Variants in CSMD2 observed in about 807,000 individuals in gnomAD.
CSMD2 encodes CUB and Sushi multiple domains 2.
In CSMD2, 130 loss-of-function variants were observed where a neutral mutation model predicts 398.5. That is an observed-to-expected ratio of 0.33 (90% CI 0.28 to 0.38). The LOEUF is 0.38. Ranked by LOEUF, CSMD2 falls within the 10% of genes least tolerant of loss-of-function variation. CSMD2 has a pLI of 1.00. For missense variants in CSMD2, 3,829 were observed against 4,764.9 expected (o/e 0.80, Z 5.78); for synonymous variants, 1,828 against 1,908.5 (o/e 0.96, Z 1.10).
chr1:33,757,142 A>C (rs200965842), intron 13 of CSMD2, among the ~76,000 whole-genome samples: 2,580 of 145,834 alleles, frequency 0.018, 31 homozygotes, highest in South Asian at 0.027. Flanking sequence ...GAACATCACA[A>C]TCTGGGGACT....
intron 10 of CSMD2, among the ~76,000 whole-genome samples, chr1:33,800,368 T>C (rs10493054): frequency 6.6e-6 from 1 of 152,062 alleles, no homozygotes. Flanking sequence ...CTCCAGCAGG[T>C]ACTAAGAAGG....
Position 33,519,629 on chromosome 1 carries a change from G to A in CSMD2, c.10785C>T (p.Thr3595=). Residue 3595 remains threonine (T), a synonymous_variant, in exon 70 of 71, where the codon ACC becomes ACT. Coordinates refer to ENST00000373381, the MANE Select transcript of CSMD2 (RefSeq NM_001281956.2). This position sits in a 1 kb window ranked among gnomAD's most constrained non-coding sequence, Gnocchi z 5.6. ...GGTTCTCAAATGTGGCCCGAACATT[G>A]GTGTTCTCGTGGCCAGCATAGCCAT... The part of the protein sequence containing the change: ...PFNGYAGHEN[T]NVRATFENPM... The A allele has an allele frequency of 6.2e-7, 1 of 1,614,074 alleles. No individual in the cohort carries two copies. Among genetic ancestry groups the A allele is most frequent in the Non-Finnish European group, 8.5e-7 (1 of 1,180,014 alleles).
intron 2 of CSMD2, among the ~76,000 whole-genome samples, chr1:34,081,029 G>T (rs1657035720): frequency 6.6e-6 from 1 of 152,126 alleles, no homozygotes; most frequent in Non-Finnish European, 1.5e-5. Flanking sequence ...CATGGAGAAA[G>T]AAAGGTTGAG....
chr1:33,712,405 A>C (rs911792730), intron 21 of CSMD2, among the ~76,000 whole-genome samples: 5 of 152,188 alleles, frequency 3.3e-5, no homozygotes, highest in African/African-American at 1.2e-4. Context: ...TGGTAGCACT[A>C]TGTGGACTAA....
At chr1:33,557,462 G>T (rs1043279328) in intron 55 of CSMD2, among the ~76,000 whole-genome samples, 4 of 152,182 alleles carry the variant, frequency 2.6e-5, no homozygotes, top group Non-Finnish European at 5.9e-5. Flanking sequence ...GCTGAAGAGG[G>T]TGGTAACTAG....
At chr1:33,564,865 C>T (rs920949432) in intron 53 of CSMD2, among the ~76,000 whole-genome samples, 2 of 152,154 alleles carry the variant, frequency 1.3e-5, no homozygotes, top group South Asian at 4.1e-4. Context: ...GGAAAACTTG[C>T]ACTTTACATA....
chr1:33,801,622 C>G (rs745972914), intron 10 of CSMD2, among the ~76,000 whole-genome samples: 1 of 152,094 alleles, frequency 6.6e-6, no homozygotes, highest in Admixed American at 6.5e-5. Flanking sequence ...AGGATGCTCA[C>G]GAGCTATGGG....
intron 1 of CSMD2, among the ~76,000 whole-genome samples, chr1:34,161,034 G>A (rs1641278559): frequency 6.6e-6 from 1 of 152,150 alleles, no homozygotes; most frequent in Non-Finnish European, 1.5e-5. Flanking sequence ...AGCTCCTCAA[G>A]GAAAGTAGCT....
intron 4 of CSMD2, among the ~76,000 whole-genome samples, chr1:33,924,043 G>A (rs1164897928): frequency 6.6e-6 from 1 of 152,130 alleles, no homozygotes; most frequent in African/African-American, 2.4e-5. Context: ...CCCAGCCTCT[G>A]GTAACTATCA....
chr1:33,739,330 G>T lies in CSMD2; in HGVS notation c.2178C>A (p.Phe726Leu), dbSNP rs2149245962. The change falls in exon 15 of 71, where the codon TTC (phenylalanine) becomes TTA (leucine). Residue 726 changes from phenylalanine (F) to leucine (L), a missense_variant. This residue lies in a region of CSMD2 where 2,001 missense variants were observed against 2,567.1 expected (regional missense o/e 0.78). Transcript: ENST00000373381. ...CAGGATCCGGGCACTCGTTGTGTCGGAAGGCTGTGTAGATGGAGTTCAAGG... is the reference window on the plus strand; with the variant it reads ...CAGGATCCGGGCACTCGTTGTGTCGTAAGGCTGTGTAGATGGAGTTCAAGG... ...KRGFNITFTTFRHNECPDPGV... is the reference protein window; with the variant it reads ...KRGFNITFTTLRHNECPDPGV... 6.2e-7 allele frequency: 1 copy of T among 1,612,520 alleles called. No individual in the cohort carries two copies. Among genetic ancestry groups the T allele is most frequent in the East Asian group, 2.2e-5 (1 of 44,818 alleles).
intron 44 of CSMD2, among the ~76,000 whole-genome samples, chr1:33,590,365 T>G (rs2641956): frequency 0.19 from 26,711 of 143,344 alleles, 3,145 homozygotes; most frequent in East Asian, 0.54. Context: ...CTCAAACTCC[T>G]GGGCTCAAGT....
chr1:33,873,994 T>A (rs1640654840), intron 5 of CSMD2, among the ~76,000 whole-genome samples: 2 of 152,224 alleles, frequency 1.3e-5, no homozygotes, highest in Non-Finnish European at 2.9e-5. Flanking sequence ...TTAGGTCAGG[T>A]ATCCCTTCCT....
chr1:33,586,875 A>G (rs1218142032), intron 45 of CSMD2, among the ~76,000 whole-genome samples: 1 of 152,232 alleles, frequency 6.6e-6, no homozygotes, highest in Non-Finnish European at 1.5e-5. Context: ...GCTGACTTGA[A>G]CCAAAAAAAG....
intron 3 of CSMD2, among the ~76,000 whole-genome samples, chr1:33,997,804 A>G (rs982073163): frequency 2.0e-5 from 3 of 152,184 alleles, no homozygotes; most frequent in Admixed American, 1.3e-4. Flanking sequence ...ATCTGTCTGC[A>G]TATTTACTGG....
intron 3 of CSMD2, among the ~76,000 whole-genome samples, chr1:33,945,483 G>A (rs985422086): frequency 6.6e-6 from 1 of 152,132 alleles, no homozygotes; most frequent in South Asian, 2.1e-4. Context: ...GGAAGAGCTA[G>A]ACCCTGCCTT....
At chr1:33,948,035 A>C (rs1361049296) in intron 3 of CSMD2, among the ~76,000 whole-genome samples, 1 of 152,220 alleles carries the variant, frequency 6.6e-6, no homozygotes, top group Non-Finnish European at 1.5e-5. Context: ...TTGGTGAGTC[A>C]TAAGACTATC....
In CSMD2 at chr1:33,624,461, A is replaced by C. The variant is rs764221524; in HGVS notation, c.5625+58T>G. On this transcript the variant is annotated intron_variant, in intron 35 of 70. Transcript: ENST00000373381. The surrounding 1 kb of genome is among the most constrained non-coding windows in gnomAD (Gnocchi z 4.7). ...CCAGCACCTGTGGTTGTCACCTGTG[A>C]GCTGTTACCTGGGAGCAGACGGCCA... 1.4e-5 allele frequency: 22 copies of C among 1,596,406 alleles called. No homozygotes were observed. Among genetic ancestry groups the C allele is most frequent in the Non-Finnish European group, 1.6e-5 (19 of 1,170,442 alleles).
At chr1:34,026,523 G>A (rs887567716) in intron 3 of CSMD2, among the ~76,000 whole-genome samples, 2 of 152,168 alleles carry the variant, frequency 1.3e-5, no homozygotes, top group Non-Finnish European at 1.5e-5. Context: ...ACTGAGACCC[G>A]ACACTCAGAG....
At chr1:33,765,080 G>T (rs184875762) in intron 13 of CSMD2, among the ~76,000 whole-genome samples, 1 of 152,136 alleles carries the variant, frequency 6.6e-6, no homozygotes, top group Non-Finnish European at 1.5e-5. Flanking sequence ...GGAAGTAGGC[G>T]AACAAAAACA....
Sources: allele counts gnomAD v4.1 joint callset (sites outside exome capture counted in the v4.1 genomes callset), GRCh38; gene constraint gnomAD v4.1.1; regional missense constraint gnomAD v4.1.1; non-coding constraint Gnocchi (gnomAD v3.1); transcripts MANE v1.5; gene names NCBI Gene and HGNC (gene_info 2026-07-23, HGNC 2026-07-21).